ZNF629: variants seen among roughly 807,000 people sequenced by gnomAD.
ZNF629 encodes zinc finger protein 629.
Under a neutral mutation model 59.7 loss-of-function variants are expected in ZNF629, and 9 were observed. The ratio of observed to expected loss-of-function variants is 0.15; its 90% CI spans 0.09 to 0.26. The LOEUF (loss-of-function observed/expected upper bound fraction) is 0.26, where lower values mean the gene tolerates loss of function less well. Ranked by LOEUF, ZNF629 falls within the 10% of genes least tolerant of loss-of-function variation. ZNF629 has a pLI of 1.00. For missense variants in ZNF629, 853 were observed against 1,165.4 expected, an observed-to-expected ratio of 0.73 and a Z score of 3.90; for synonymous variants, 509 against 498.9, an observed-to-expected ratio of 1.02 and a Z score of -0.27.
In ZNF629 at chr16:30,782,269, C is replaced by T. The variant is rs776274404; in HGVS notation, c.2059G>A (p.Glu687Lys). 13 of 1,612,924 alleles carry T rather than the reference C, an allele frequency of 8.1e-6. No homozygotes were observed. The African/African-American group carries it at 1.2e-4, about 15-fold the overall frequency. ...LLQHQLTHGN[E>K]KPFLFPDYRI... The stretch of plus-strand genomic sequence containing the variant: ...TAATCAGGAAAGAGAAAGGGCTTTT[C>T]GTTGCCGTGGGTGAGCTGATGCTGG... The change falls in exon 3 of 3, where the codon GAA (glutamate) becomes AAA (lysine). Residue 687 changes from glutamate (E) to lysine (K), a missense_variant. Transcript: ENST00000262525.
chr16:30,780,757 CAAGCTTCCGG>C lies in ZNF629; in HGVS notation c.*951_*960del, dbSNP rs1361865818. 2 of 152,158 alleles carry C rather than the reference CAAGCTTCCGG, an allele frequency of 1.3e-5. No homozygotes were observed. Among genetic ancestry groups the C allele is most frequent in the African/African-American group, 4.8e-5 (2 of 41,402 alleles). 9.4% of individuals were successfully genotyped at this position (152,158 alleles called of 1,614,324 possible). A position where few individuals can be genotyped will look rare whatever the true frequency, so the allele number is the denominator to read the frequency against. On this transcript the variant is annotated 3_prime_UTR_variant, in exon 3 of 3. Transcript: ENST00000262525. ...GACCTGCCTGCTACTTGCAGTTTCG[CAAGCTTCCGG>C]AAGCAAGAAGGGGCCTGGAGTTAGC...
chr16:30,784,112 G>A lies in ZNF629; in HGVS notation c.216C>T (p.Val72=). The A allele has an allele frequency of 1.2e-6, 2 of 1,607,492 alleles. No homozygotes were observed. The highest frequency in any genetic ancestry group is 1.7e-6 in the Non-Finnish European group (2 of 1,178,636). Residue 72 remains valine, a synonymous_variant, in exon 3 of 3, where the codon GTC becomes GTT. Transcript: ENST00000262525. ...CCAGTGGGGTTGGGGGGTTCTGGGG[G>A]ACAGAGGGGTCCTGGGAGGATCTCT... is the stretch of plus-strand genomic sequence containing the variant. The part of the protein sequence containing the change: ...SLERSSQDPS[V]PQNPPTPLGH...
Position 30,783,835 on chromosome 16 carries a change from G to A in ZNF629, c.493C>T (p.Leu165=). Residue 165 remains leucine (L), a synonymous_variant, in exon 3 of 3, where the codon CTG becomes TTG. Coordinates refer to ENST00000262525, the MANE Select transcript of ZNF629 (RefSeq NM_001080417.3). ...CGKSFSQWSK[L]LRHQRIHTGE... ...GTGTGGATGCGCTGGTGCCGCAGCA[G>A]CTTGGACCACTGGCTGAAGCTCTTG... 1.9e-6 allele frequency: 3 copies of A among 1,612,558 alleles called. No individual in the cohort carries two copies. The highest frequency in any genetic ancestry group is 2.5e-6 in the Non-Finnish European group (3 of 1,179,360).
rs867875457 is a variant in ZNF629, at chr16:30,782,643, G to A, written c.1685C>T (p.Pro562Leu). ...LGLGDPSLLT[P>L]PPGAKPHKCL... ...CTTGTGCGGCTTGGCTCCCGGCGGC[G>A]GGGTCAGCAGGGAGGGGTCCCCGAG... Residue 562 changes from proline to leucine, a missense_variant, in exon 3 of 3, where the codon CCG (proline) becomes CTG (leucine). Coordinates refer to ENST00000262525, the MANE Select transcript of ZNF629 (RefSeq NM_001080417.3). The A allele has an allele frequency of 1.3e-6, 2 of 1,577,390 alleles. No individual in the cohort carries two copies. The highest frequency in any genetic ancestry group is 1.7e-6 in the Non-Finnish European group (2 of 1,161,942).
At position 30,783,917 on chromosome 16, in the gene ZNF629, C is replaced by T. The variant is rs1175137548; in HGVS notation, c.411G>A (p.Glu137=). ...VVPANEPSLR[E]LVQGRPAGAE... ...CCCCCGCCGGGCGGCCCTGCACCAG[C>T]TCCCGCAGGCTGGGCTCGTTGGCGG... The change falls in exon 3 of 3, where the codon GAG becomes GAA. Residue 137 remains glutamate, a synonymous_variant. Coordinates refer to ENST00000262525, the MANE Select transcript of ZNF629 (RefSeq NM_001080417.3). The T allele has an allele frequency of 2.5e-6, 4 of 1,594,550 alleles. No individual in the cohort carries two copies. Among genetic ancestry groups the T allele is most frequent in the Middle Eastern group, 1.7e-4 (1 of 5,992 alleles).
chr16:30,783,656 G>A lies in ZNF629; in HGVS notation c.672C>T (p.His224=). ...CFSWSSNLVQ[H]QRTHTGEKPY... is the part of the protein sequence containing the mutation. ...GCTTCTCTCCCGTGTGCGTGCGCTG[G>A]TGCTGCACCAGGTTGGAGCTCCAGC... The change falls in exon 3 of 3, where the codon CAC becomes CAT. Residue 224 remains histidine (H), a synonymous_variant. Coordinates refer to ENST00000262525, the MANE Select transcript of ZNF629 (RefSeq NM_001080417.3). 6.2e-7 allele frequency: 1 copy of A among 1,613,858 alleles called. No homozygotes were observed. Among genetic ancestry groups the A allele is most frequent in the Non-Finnish European group, 8.5e-7 (1 of 1,179,858 alleles).
rs2054331172 is a variant in ZNF629 at position 30,786,278 on chromosome 16, C to T, written c.-34+750G>A. ...GGGTGGTGGAAGCGGAGACCTCTGC[C>T]ACACTGGGGGCTGCCTGATGTCCGG... is the stretch of plus-strand genomic sequence containing the variant. On this transcript the variant is annotated intron_variant, in intron 1 of 2. Coordinates refer to ENST00000262525, the MANE Select transcript of ZNF629 (RefSeq NM_001080417.3). This position sits in a 1 kb window ranked among gnomAD's most constrained non-coding sequence, Gnocchi z 4.8. Among the ~76,000 whole-genome samples, 1 of 152,158 alleles carries T rather than the reference C, an allele frequency of 6.6e-6. No homozygotes were observed. Among genetic ancestry groups the T allele is most frequent in the South Asian group, 2.1e-4 (1 of 4,828 alleles).
chr16:30,779,158 C>T lies in ZNF629; in HGVS notation c.*2560G>A, dbSNP rs2054260010. On this transcript the variant is annotated 3_prime_UTR_variant, in exon 3 of 3. Transcript: ENST00000262525. ...TCCATCCCGTACAAGAGCCAAGCCC[C>T]TTAGCCCTCACCCATCCCTACAACA... 6.6e-6 allele frequency: 1 copy of T among 152,310 alleles called. No homozygotes were observed. The highest frequency in any genetic ancestry group is 6.5e-5 in the Admixed American group (1 of 15,274). The allele number at this position is 152,310 out of a possible 1,614,324, so 9.4% of individuals were successfully genotyped here. A position where few individuals can be genotyped will look rare whatever the true frequency, so the allele number is the denominator to read the frequency against.
chr16:30,782,084 C>A lies in ZNF629; in HGVS notation c.2244G>T (p.Leu748=). 6.3e-7 allele frequency: 1 copy of A among 1,583,388 alleles called. No homozygotes were observed. Among genetic ancestry groups the A allele is most frequent in the Non-Finnish European group, 8.6e-7 (1 of 1,164,346 alleles). ...GGKSSQKSPE[L]GKSSSVLLEH... The stretch of plus-strand genomic sequence containing the variant: ...CCAGGAGGACGGAAGAGCTCTTCCC[C>A]AGCTCTGGACTCTTCTGGGAGCTCT... Residue 748 remains leucine, a synonymous_variant, in exon 3 of 3, where the codon CTG becomes CTT. Transcript: ENST00000262525.
In ZNF629 at chr16:30,782,809, T is replaced by A. The variant is rs1451741255; in HGVS notation, c.1519A>T (p.Thr507Ser). The A allele has an allele frequency of 1.9e-6, 3 of 1,614,112 alleles. No individual in the cohort carries two copies. Among genetic ancestry groups the A allele is most frequent in the Admixed American group, 3.3e-5 (2 of 60,026 alleles). The change falls in exon 3 of 3, where the codon ACG (threonine) becomes TCG (serine). Residue 507 changes from threonine to serine, a missense_variant. Transcript: ENST00000262525. ...QSSNLITHVR[T>S]HMDENLFVCS... The stretch of plus-strand genomic sequence containing the variant: ...ACGAACAGGTTCTCGTCCATGTGCG[T>A]GCGGACGTGGGTAATAAGGTTGGAG...
Position 30,781,479 on chromosome 16 carries a change from T to G in ZNF629, c.*239A>C. The G allele has an allele frequency of 2.3e-5, 8 of 346,514 alleles. No homozygotes were observed. Among genetic ancestry groups the G allele is most frequent in the Non-Finnish European group, 2.6e-5 (5 of 193,590 alleles). The allele number at this position is 346,514 out of a possible 1,614,324, so 21.5% of individuals were successfully genotyped here. ...TTAAAGGGCTTTTTTTTTTCCTACA[T>G]ATTTATAGGGTTTCTAACCCAACAG... On this transcript the variant is annotated 3_prime_UTR_variant, in exon 3 of 3. Coordinates refer to ENST00000262525, the MANE Select transcript of ZNF629 (RefSeq NM_001080417.3).
Position 30,783,479 on chromosome 16 carries a change from G to C in ZNF629, c.849C>G (p.Thr283=), listed in dbSNP as rs973715005. ...RSSDLIQHQA[T]HTGEKPYKCP... ...ACTTGTAGGGTTTCTCGCCTGTGTG[G>C]GTGGCCTGGTGCTGGATGAGGTCCG... The change falls in exon 3 of 3, where the codon ACC becomes ACG. Residue 283 remains threonine (T), a synonymous_variant. Transcript: ENST00000262525. 5.0e-6 allele frequency: 8 copies of C among 1,613,610 alleles called. No individual in the cohort carries two copies. Among genetic ancestry groups the C allele is most frequent in the Non-Finnish European group, 5.9e-6 (7 of 1,179,868 alleles).
chr16:30,784,015 C>T lies in ZNF629; in HGVS notation c.313G>A (p.Asp105Asn), dbSNP rs1449114723. The T allele has an allele frequency of 1.3e-6, 2 of 1,574,112 alleles. No individual in the cohort carries two copies. The highest frequency in any genetic ancestry group is 1.7e-6 in the Non-Finnish European group (2 of 1,161,078). The change falls in exon 3 of 3, where the codon GAC (aspartate) becomes AAC (asparagine). Residue 105 changes from aspartate to asparagine, a missense_variant. Physicochemically the swap from Asp to Asn is conservative, Grantham distance 23. Transcript: ENST00000262525. The part of the protein sequence containing the change: ...PAPEVVPTPS[D>N]WTKACEASWQ... Reference sequence around the variant, plus strand: ...CTGGCCTCGCAGGCCTTGGTCCAGTCAGATGGGGTAGGGACTACCTCCGGG... The same window carrying T: ...CTGGCCTCGCAGGCCTTGGTCCAGTTAGATGGGGTAGGGACTACCTCCGGG...
Position 30,783,701 on chromosome 16 carries a change from G to A in ZNF629, c.627C>T (p.Pro209=), listed in dbSNP as rs767456711. The change falls in exon 3 of 3, where the codon CCC becomes CCT. Residue 209 remains proline, a synonymous_variant. Coordinates refer to ENST00000262525, the MANE Select transcript of ZNF629 (RefSeq NM_001080417.3). The part of the protein sequence containing the change: ...THTGEKPYKC[P]DCGKCFSWSS... ...TCCAGCTGAAGCACTTGCCGCAGTCGGGGCACTTGTAGGGCTTCTCGCCGG... is the reference window on the plus strand; with the variant it reads ...TCCAGCTGAAGCACTTGCCGCAGTCAGGGCACTTGTAGGGCTTCTCGCCGG... 3 of 1,607,164 alleles carry A rather than the reference G, an allele frequency of 1.9e-6. No homozygotes were observed. The highest frequency in any genetic ancestry group is 1.1e-5 in the South Asian group (1 of 90,154).
At chr16:30,784,304 G>T (rs2054311934) in intron 2 of ZNF629, 50 bp from the exon 3 acceptor site, 4 of 1,562,478 alleles carry the variant, frequency 2.6e-6, no homozygotes, top group African/African-American at 1.4e-5. Context: ...CAGAACACGG[G>T]GTTTGGTCTC....
Position 30,783,635 on chromosome 16 carries a change from C to T in ZNF629, c.693G>A (p.Glu231=). 2 of 1,613,956 alleles carry T rather than the reference C, an allele frequency of 1.2e-6. No individual in the cohort carries two copies. Among genetic ancestry groups the T allele is most frequent in the Non-Finnish European group, 1.7e-6 (2 of 1,179,902 alleles). ...CGCACTCCGTGCACTTGTAGGGCTT[C>T]TCTCCCGTGTGCGTGCGCTGGTGCT... is the stretch of plus-strand genomic sequence containing the variant. ...LVQHQRTHTG[E]KPYKCTECEK... Residue 231 remains glutamate, a synonymous_variant, in exon 3 of 3, where the codon GAG becomes GAA. Transcript: ENST00000262525.
intron 1 of ZNF629, among the ~76,000 whole-genome samples, chr16:30,785,758 T>G (rs545954046): frequency 6.6e-6 from 1 of 152,130 alleles, no homozygotes; most frequent in East Asian, 1.9e-4. Context: ...ATGAGTGAGA[T>G]GTCCCTAGCC....
Position 30,782,114 on chromosome 16 carries a change from G to C in ZNF629, c.2214C>G (p.Gly738=), listed in dbSNP as rs1207003946. The change falls in exon 3 of 3, where the codon GGC becomes GGG. Residue 738 remains glycine (G), a synonymous_variant. Coordinates refer to ENST00000262525, the MANE Select transcript of ZNF629 (RefSeq NM_001080417.3). ...CTGGACTCTTCTGGGAGCTCTTCCC[G>C]CCTGCATGGACTTTCTGGTGCAGCA... ...ELLLHQKVHA[G]GKSSQKSPEL... 1.2e-5 allele frequency: 20 copies of C among 1,607,610 alleles called. No homozygotes were observed. Among genetic ancestry groups the C allele is most frequent in the Non-Finnish European group, 1.5e-5 (18 of 1,177,088 alleles).
Position 30,781,656 on chromosome 16 carries a change from T to G in ZNF629, c.*62A>C, listed in dbSNP as rs575569078. On this transcript the variant is annotated 3_prime_UTR_variant, in exon 3 of 3. Transcript: ENST00000262525. ...TCCTCCCTTCCCCATGTAATTTTTT[T>G]GGGGGAAAAAATCCAGTGTTCCTCT... 1.2e-5 allele frequency: 18 copies of G among 1,444,580 alleles called. No homozygotes were observed. Among genetic ancestry groups the G allele is most frequent in the South Asian group, 7.0e-5 (5 of 71,204 alleles). The allele number at this position is 1,444,580 out of a possible 1,614,324, so 89.5% of individuals were successfully genotyped here. A position where few individuals can be genotyped will look rare whatever the true frequency, so the allele number is the denominator to read the frequency against.
Sources: allele counts gnomAD v4.1 joint callset (sites outside exome capture counted in the v4.1 genomes callset), GRCh38; gene constraint gnomAD v4.1.1; non-coding constraint Gnocchi (gnomAD v3.1); transcripts MANE v1.5; gene names NCBI Gene and HGNC (gene_info 2026-07-23, HGNC 2026-07-21).